Variants in TOX observed in about 807,000 individuals in gnomAD.
The protein encoded by TOX is thymocyte selection associated high mobility group box.
A neutral mutation model predicts 53.7 loss-of-function variants in TOX; 11 were observed. The ratio of observed to expected loss-of-function variants is 0.20; its 90% confidence interval spans 0.13 to 0.34. The LOEUF (loss-of-function observed/expected upper bound fraction) is 0.34. TOX is among the 10% of genes least tolerant of loss of function. TOX has a pLI of 1.00. For synonymous variants in TOX, 225 were observed against 245.3 expected, an observed-to-expected ratio of 0.92 and a Z score of 0.77; for missense variants, 570 against 664.6, an observed-to-expected ratio of 0.86 and a Z score of 1.56.
At chr8:59,052,576 G>C (rs915834656) in intron 1 of TOX, among the ~76,000 whole-genome samples, 4 of 152,256 alleles carry the variant, frequency 2.6e-5, no homozygotes, top group African/African-American at 9.6e-5. Flanking sequence ...GCTACAAGGT[G>C]CTCTCCCCCA....
At chr8:59,071,857 A>T (rs1804202879) in intron 1 of TOX, among the ~76,000 whole-genome samples, 1 of 152,226 alleles carries the variant, frequency 6.6e-6, no homozygotes, top group African/African-American at 2.4e-5. Flanking sequence ...TAAATTAGAT[A>T]TTTAAAGGAA....
intron 3 of TOX, among the ~76,000 whole-genome samples, chr8:58,929,604 C>G (rs1812226300): frequency 1.3e-5 from 2 of 152,142 alleles, no homozygotes; most frequent in Middle Eastern, 3.4e-3. Context: ...ATGAGACTGG[C>G]TCATTGTTCT....
At chr8:58,985,257 T>A (rs1405183003) in intron 1 of TOX, among the ~76,000 whole-genome samples, 2 of 151,964 alleles carry the variant, frequency 1.3e-5, no homozygotes, top group Non-Finnish European at 2.9e-5. Context: ...CAACAACTGA[T>A]GAGTGGATAA....
chr8:58,923,019 G>A (rs1322822154), intron 3 of TOX, among the ~76,000 whole-genome samples: 1 of 152,186 alleles, frequency 6.6e-6, no homozygotes, highest in Admixed American at 6.5e-5. Flanking sequence ...TGACTAGCTC[G>A]GTGAGGGGCA....
At chr8:59,046,633 G>A (rs552755657) in intron 1 of TOX, among the ~76,000 whole-genome samples, 21 of 152,184 alleles carry the variant, frequency 1.4e-4, no homozygotes, top group Non-Finnish European at 2.6e-4. Flanking sequence ...CAAAGTGGGT[G>A]GATCATTTGA....
chr8:59,011,844 C>T (rs904603251), intron 1 of TOX, among the ~76,000 whole-genome samples: 1 of 152,140 alleles, frequency 6.6e-6, no homozygotes, highest in Admixed American at 6.5e-5. Flanking sequence ...GTCTCTCCTG[C>T]CTGCTTTTTC....
intron 2 of TOX, among the ~76,000 whole-genome samples, chr8:58,940,487 T>A (rs1812420076): frequency 6.6e-6 from 1 of 152,116 alleles, no homozygotes; most frequent in Admixed American, 6.6e-5. Context: ...AAATCAAACA[T>A]CGTTACCAAT....
At chr8:58,820,863 T>C (rs1251272285) in intron 6 of TOX, among the ~76,000 whole-genome samples, 1 of 152,204 alleles carries the variant, frequency 6.6e-6, no homozygotes, top group Non-Finnish European at 1.5e-5. Flanking sequence ...TTCTGGTCTA[T>C]GTGGTAAAAT....
chr8:58,844,610 T>A (rs1237021860), intron 4 of TOX, among the ~76,000 whole-genome samples: 1 of 152,148 alleles, frequency 6.6e-6, no homozygotes, highest in African/African-American at 2.4e-5. Flanking sequence ...ATTTCTGCTC[T>A]GGTATTCTAC....
Position 58,926,763 on chromosome 8 carries a change from C to T in TOX, c.411+12539G>A, listed in dbSNP as rs755431151. 3.3e-5 allele frequency among the ~76,000 whole-genome samples: 5 copies of T among 152,120 alleles called. No homozygotes were observed. The South Asian group carries it at 6.2e-4, about 19-fold the overall frequency. On this transcript the variant is annotated intron_variant, in intron 3 of 8. Transcript: ENST00000361421. ...CCAATAATGGGAATGTGGTAAATGGCGGAGACCCCAACTCCTGGTCTTCAG... is the reference window on the plus strand; with the variant it reads ...CCAATAATGGGAATGTGGTAAATGGTGGAGACCCCAACTCCTGGTCTTCAG...
At chr8:59,099,806 GA>G (rs2129424300) in intron 1 of TOX, among the ~76,000 whole-genome samples, 1 of 152,222 alleles carries the variant, frequency 6.6e-6, no homozygotes, top group South Asian at 2.1e-4. Context: ...AAATGATAAA[GA>G]AAAAATACAT....
chr8:58,966,608 A>G (rs1812905616), intron 1 of TOX, among the ~76,000 whole-genome samples: 1 of 152,088 alleles, frequency 6.6e-6, no homozygotes, highest in Non-Finnish European at 1.5e-5. Context: ...CTGAGTTTGT[A>G]TTTTCATTTT....
At chr8:58,892,790 T>C (rs1811578211) in intron 3 of TOX, among the ~76,000 whole-genome samples, 1 of 152,204 alleles carries the variant, frequency 6.6e-6, no homozygotes, top group African/African-American at 2.4e-5. Context: ...CATTTCTGCA[T>C]TAATTCTGTA....
intron 3 of TOX, among the ~76,000 whole-genome samples, chr8:58,879,743 C>T (rs1811350909): frequency 2.0e-5 from 3 of 152,056 alleles, no homozygotes; most frequent in African/African-American, 7.2e-5. Flanking sequence ...CAAAACCAAA[C>T]CCTGGTTTTG....
At chr8:59,058,566 G>C (rs943070581) in intron 1 of TOX, among the ~76,000 whole-genome samples, 2 of 152,132 alleles carry the variant, frequency 1.3e-5, no homozygotes, top group African/African-American at 4.8e-5. Context: ...ACATTCTCAG[G>C]ATCATGTGGG....
intron 1 of TOX, among the ~76,000 whole-genome samples, chr8:59,051,496 A>G (rs952872691): frequency 4.6e-5 from 7 of 152,106 alleles, no homozygotes; most frequent in African/African-American, 1.7e-4. Context: ...TGATAAAGTC[A>G]TTACATCATT....
intron 3 of TOX, among the ~76,000 whole-genome samples, chr8:58,920,707 T>TAA (rs56112630): frequency 1.4e-5 from 1 of 72,026 alleles, no homozygotes; most frequent in Non-Finnish European, 2.4e-5. Context: ...TAAAGTATAA[T>TAA]AAAAAAAAAA....
intron 1 of TOX, among the ~76,000 whole-genome samples, chr8:59,038,229 A>G (rs1048669434): frequency 1.4e-4 from 21 of 152,250 alleles, no homozygotes; most frequent in Non-Finnish European, 1.8e-4. Context: ...TCATTTTTCT[A>G]TAAAGAAAGA....
chr8:59,057,088 A>G (rs918582834), intron 1 of TOX, among the ~76,000 whole-genome samples: 5 of 152,206 alleles, frequency 3.3e-5, no homozygotes, highest in Admixed American at 2.6e-4. Context: ...CCAGAAAGCC[A>G]CCACTGAACA....
Sources: allele counts gnomAD v4.1 joint callset (sites outside exome capture counted in the v4.1 genomes callset), GRCh38; gene constraint gnomAD v4.1.1; transcripts MANE v1.5; gene names NCBI Gene and HGNC (gene_info 2026-07-23, HGNC 2026-07-21).